The following WDR27 variants were observed in gnomAD, a reference collection of about 807,000 sequenced individuals.
WDR27 encodes WD repeat-containing protein 27.
In WDR27, 100 loss-of-function variants were observed where a neutral mutation model predicts 114.4. The observed-to-expected ratio is 0.87, with a 90% CI of 0.74 to 1.03. The LOEUF (loss-of-function observed/expected upper bound fraction) is 1.03, where lower values mean the gene tolerates loss of function less well. Among genes scored for constraint, WDR27 ranks in the 50% least tolerant of loss-of-function variants. WDR27 has a pLI of 0.00. For synonymous variants in WDR27, 449 were observed against 423.1 expected, an observed-to-expected ratio of 1.06 and a Z score of -0.75; for missense variants, 1,129 against 1,092.9, an observed-to-expected ratio of 1.03 and a Z score of -0.47.
Position 169,526,506 on chromosome 6 carries a change from G to A in WDR27, c.2645+45913C>T, listed in dbSNP as rs569114685. Among the ~76,000 whole-genome samples the A allele has an allele frequency of 7.2e-5, 11 of 152,172 alleles. No homozygotes were observed. The East Asian group carries it at 1.7e-3, about 24-fold the overall frequency. On this transcript the variant is annotated intron_variant, in intron 25 of 25. Coordinates refer to ENST00000448612, the MANE Select transcript of WDR27 (RefSeq NM_182552.5). ...TGGGCGCCCATAGTCCCAGCTACTC[G>A]GGAGGCTGAGGCAGGAGAATCGCTT...
At chr6:169,529,819 T>A (rs909422838) in intron 25 of WDR27, among the ~76,000 whole-genome samples, 2 of 152,214 alleles carry the variant, frequency 1.3e-5, no homozygotes, top group African/African-American at 4.8e-5. Context: ...AGTTGTTTAC[T>A]TTAAGGCTAT....
chr6:169,668,223 C>T (rs1828433512), intron 4 of WDR27, 38 bp from the exon 5 acceptor site: 1 of 1,601,950 alleles, frequency 6.2e-7, no homozygotes, highest in Non-Finnish European at 8.5e-7. Flanking sequence ...TCTGTTCAAG[C>T]TGGAATTCTC....
At chr6:169,646,266 TGA>T (rs1363223466) in intron 16 of WDR27, among the ~76,000 whole-genome samples, 1 of 152,066 alleles carries the variant, frequency 6.6e-6, no homozygotes, top group Non-Finnish European at 1.5e-5. Flanking sequence ...AGCAGCAGGA[TGA>T]GAGAGTGAGG....
At position 169,660,660 on chromosome 6, in the gene WDR27, T is replaced by C. The variant is rs1323229011; in HGVS notation, c.1129+3A>G. The C allele has an allele frequency of 6.2e-7, 1 of 1,610,646 alleles. No individual in the cohort carries two copies. The highest frequency in any genetic ancestry group is 1.3e-5 in the African/African-American group (1 of 74,880). On this transcript the variant is annotated splice_donor_region_variant and intron_variant, in intron 10 of 25. Coordinates refer to ENST00000448612, the MANE Select transcript of WDR27 (RefSeq NM_182552.5). ...TACATGGCGTTGAAATCAAAGATCT[T>C]ACCCTTGTAATACAAAGCAGCTTCC...
intron 21 of WDR27, among the ~76,000 whole-genome samples, chr6:169,624,865 G>A (rs2272922): frequency 0.094 from 14,230 of 152,114 alleles, 1,723 homozygotes; most frequent in East Asian, 0.58. Flanking sequence ...TAGATGGCAC[G>A]AGACCAGGAA....
chr6:169,577,233 G>A (rs1421900425), intron 24 of WDR27, among the ~76,000 whole-genome samples: 3 of 152,136 alleles, frequency 2.0e-5, no homozygotes, highest in African/African-American at 4.8e-5. Flanking sequence ...AGGGCACCAG[G>A]GGCAACCTGG....
intron 15 of WDR27, among the ~76,000 whole-genome samples, chr6:169,648,984 G>A (rs1254189510): frequency 6.6e-6 from 1 of 152,214 alleles, no homozygotes; most frequent in African/African-American, 2.4e-5. Flanking sequence ...AAATTGTTAA[G>A]GTGGTAAGAA....
At chr6:169,549,350 A>G (rs1797820904) in intron 25 of WDR27, among the ~76,000 whole-genome samples, 1 of 152,206 alleles carries the variant, frequency 6.6e-6, no homozygotes, top group African/African-American at 2.4e-5. Flanking sequence ...GAGAATGGCT[A>G]AAGTCCAGAA....
chr6:169,433,349 T>C, the WDR27 span, among the ~76,000 whole-genome samples: 1 of 152,218 alleles, frequency 6.6e-6, no homozygotes, highest in Non-Finnish European at 1.5e-5. Flanking sequence ...TGTTTGGTTT[T>C]CTGTTCCTGT....
intron 22 of WDR27, among the ~76,000 whole-genome samples, chr6:169,608,827 T>G (rs1318913779): frequency 1.3e-5 from 2 of 152,114 alleles, no homozygotes; most frequent in African/African-American, 2.4e-5. Context: ...GTCCAAAGTC[T>G]CATCTGGGAC....
chr6:169,569,906 C>G (rs1286083992), intron 25 of WDR27, among the ~76,000 whole-genome samples: 1 of 150,780 alleles, frequency 6.6e-6, no homozygotes, highest in Admixed American at 6.6e-5. Context: ...AGATTTCACC[C>G]TCTCACAAAA....
intron 23 of WDR27, among the ~76,000 whole-genome samples, chr6:169,595,787 A>AT (rs797007216): frequency 0.014 from 193 of 14,114 alleles, 1 homozygote; most frequent in Non-Finnish European, 0.088. Flanking sequence ...ATACAGCTTT[A>AT]TTTTTTTTTT....
chr6:169,538,164 G>A (rs974577889), intron 25 of WDR27, among the ~76,000 whole-genome samples: 3 of 152,108 alleles, frequency 2.0e-5, no homozygotes, highest in African/African-American at 7.2e-5. Flanking sequence ...ATAATAAAGT[G>A]TTCAAATTTG....
At chr6:169,463,596 A>G (rs1458637210) in intron 25 of WDR27, among the ~76,000 whole-genome samples, 1 of 152,214 alleles carries the variant, frequency 6.6e-6, no homozygotes, top group Non-Finnish European at 1.5e-5. Flanking sequence ...AGGAAATAAA[A>G]TTATTTCTGT....
intron 23 of WDR27, among the ~76,000 whole-genome samples, chr6:169,587,930 T>C (rs1804966909): frequency 1.3e-5 from 2 of 152,342 alleles, no homozygotes; most frequent in Non-Finnish European, 1.5e-5. Context: ...AATTCAGCTT[T>C]TTCTGTAAAG....
intron 25 of WDR27, among the ~76,000 whole-genome samples, chr6:169,557,696 C>G (rs917368030): frequency 3.9e-5 from 6 of 152,068 alleles, no homozygotes; most frequent in African/African-American, 1.4e-4. Flanking sequence ...ACTCAGGAGG[C>G]TGGGGTGGGA....
In WDR27 at chr6:169,552,973, G is replaced by GGTGTGTGTGTGTGTGTGT. The variant is rs3975497; in HGVS notation, c.2645+19428_2645+19445dup. On this transcript the variant is annotated intron_variant, in intron 25 of 25. Coordinates refer to ENST00000448612, the MANE Select transcript of WDR27 (RefSeq NM_182552.5). ...TGTGCTGTTTGGGGAGGGCCTGCCCGGTGTGTGTGTGTGTGTGTGTGTGTG... is the reference window on the plus strand; with the variant it reads ...TGTGCTGTTTGGGGAGGGCCTGCCCGGTGTGTGTGTGTGTGTGTGTGTGTGTGTGTGTGTGTGTGTGTG... Among the ~76,000 whole-genome samples the GGTGTGTGTGTGTGTGTGT allele has an allele frequency of 4.9e-4, 30 of 61,798 alleles. 1 individual carries two copies. The highest frequency in any genetic ancestry group is 9.1e-4 in the African/African-American group (14 of 15,446). The allele number at this position is 61,798 out of a possible 152,430, so 40.5% of individuals were successfully genotyped here.
intron 24 of WDR27, among the ~76,000 whole-genome samples, chr6:169,573,272 G>C (rs1801744314): frequency 6.6e-6 from 1 of 152,154 alleles, no homozygotes; most frequent in Non-Finnish European, 1.5e-5. Flanking sequence ...CAAGTCTTAT[G>C]ATAAATCCTG....
downstream of WDR27, among the ~76,000 whole-genome samples, chr6:169,454,634 C>G (rs940907705): frequency 6.6e-5 from 10 of 152,182 alleles, no homozygotes; most frequent in African/African-American, 2.4e-4. Flanking sequence ...GACCACCCCC[C>G]TTGGTGGCCA....
Sources: gnomAD v4.1 joint callset for allele counts (sites outside exome capture counted in the v4.1 genomes callset) on GRCh38, gnomAD v4.1.1 for gene constraint, MANE v1.5 for transcripts, NCBI Gene and HGNC (gene_info 2026-07-23, HGNC 2026-07-21) for gene names.